Variants in FBXO44 observed in about 807,000 individuals in gnomAD.
The protein encoded by FBXO44 is F-box only protein 44.
Under a neutral mutation model 33.5 loss-of-function variants are expected in FBXO44, and 25 were observed. The observed-to-expected ratio is 0.75, with a 90% CI of 0.54 to 1.04. FBXO44 has a LOEUF of 1.04. Among genes scored for constraint, FBXO44 ranks in the 50% least tolerant of loss-of-function variants. The pLI, the probability that FBXO44 is intolerant of heterozygous loss-of-function variation, is 0.00. For missense variants in FBXO44, 311 were observed against 344.0 expected, an observed-to-expected ratio of 0.90 and a Z score of 0.76; for synonymous variants, 147 against 152.8, an observed-to-expected ratio of 0.96 and a Z score of 0.28.
Position 11,658,297 on chromosome 1 carries a change from A to G in FBXO44, c.296A>G (p.Asn99Ser), listed in dbSNP as rs1402599804. The G allele has an allele frequency of 1.2e-6, 2 of 1,613,750 alleles. No homozygotes were observed. Among genetic ancestry groups the G allele is most frequent in the East Asian group, 2.2e-5 (1 of 44,872 alleles). Reference protein sequence around the residue: ...EGFEFWSLDVNGGDEWKVEDL... With the variant: ...EGFEFWSLDVSGGDEWKVEDL... ...TTCGAGTTCTGGAGCCTGGATGTGA[A>G]TGGAGGCGATGAGTGGAAGGTGGAG... The change falls in exon 3 of 6, where the codon AAT becomes AGT. Residue 99 changes from asparagine (N) to serine (S), a missense_variant. Transcript: ENST00000251547.
At position 11,661,038 on chromosome 1, in the gene FBXO44, C is replaced by T. The variant is rs1640149964; in HGVS notation, c.625-92C>T. On this transcript the variant is annotated intron_variant, in intron 5 of 5. Coordinates refer to ENST00000251547, the MANE Select transcript of FBXO44 (RefSeq NM_033182.7). The surrounding 1 kb of genome is among the most constrained non-coding windows in gnomAD (Gnocchi z 4.4). ...GCTCAAACAACCCTCCCACCTCAGC[C>T]TCCCAAAGTACTGGGATTCCCGGTG... 7 of 1,358,040 alleles carry T rather than the reference C, an allele frequency of 5.2e-6. No homozygotes were observed. The highest frequency in any genetic ancestry group is 1.5e-5 in the African/African-American group (1 of 68,782). 84.1% of individuals were successfully genotyped at this position (1,358,040 alleles called of 1,614,324 possible).
In FBXO44 at chr1:11,663,177, C is replaced by G. The variant is rs188064522; in HGVS notation, c.*1904C>G. On this transcript the variant is annotated 3_prime_UTR_variant, in exon 6 of 6. Coordinates refer to ENST00000251547, the MANE Select transcript of FBXO44 (RefSeq NM_033182.7). ...GTTTCACCATGTTGGCCAGGGTGGT[C>G]TCAATCTCCTGACCTCGTGATCCAC... is the stretch of plus-strand genomic sequence containing the variant. 6.6e-6 allele frequency: 1 copy of G among 152,082 alleles called. No homozygotes were observed. The highest frequency in any genetic ancestry group is 2.4e-5 in the African/African-American group (1 of 41,408). 9.4% of individuals were successfully genotyped at this position (152,082 alleles called of 1,614,324 possible).
chr1:11,661,253 A>G lies in FBXO44; in HGVS notation c.748A>G (p.Ile250Val). Reference sequence around the variant, plus strand: ...GAGGGTCACCAACAGCAGCATCACCATCGGGCCCCCGCTGCCCTGACACCC... The same window carrying G: ...GAGGGTCACCAACAGCAGCATCACCGTCGGGCCCCCGCTGCCCTGACACCC... ...GPRVTNSSITIGPPLP is the reference protein window; with the variant it reads ...GPRVTNSSITVGPPLP The change falls in exon 6 of 6, where the codon ATC becomes GTC. Residue 250 changes from isoleucine (I) to valine (V), a missense_variant. Coordinates refer to ENST00000251547, the MANE Select transcript of FBXO44 (RefSeq NM_033182.7). This position sits in a 1 kb window ranked among gnomAD's most constrained non-coding sequence, Gnocchi z 4.4. 1 of 1,613,970 alleles carries G rather than the reference A, an allele frequency of 6.2e-7. No homozygotes were observed. The highest frequency in any genetic ancestry group is 1.1e-5 in the South Asian group (1 of 91,058).
intron 4 of FBXO44, 52 bp downstream of exon 4, chr1:11,658,680 A>G: frequency 8.2e-7 from 1 of 1,214,288 alleles, no homozygotes; most frequent in East Asian, 2.7e-5. Context: ...CAGGCGCCCC[A>G]CCCCCGCCCT....
At chr1:11,655,553 C>T in intron 1 of FBXO44, 1 of 486,896 alleles carries the variant, frequency 2.1e-6, no homozygotes, top group Non-Finnish European at 3.7e-6. Context: ...AAGATCCGGG[C>T]TTCTTCCCCC....
In FBXO44 at chr1:11,661,034, C is replaced by T. The variant is rs1570253614; in HGVS notation, c.625-96C>T. On this transcript the variant is annotated intron_variant, in intron 5 of 5. Transcript: ENST00000251547. The surrounding 1 kb of genome is among the most constrained non-coding windows in gnomAD (Gnocchi z 4.4). Reference sequence around the variant, plus strand: ...CTGGGCTCAAACAACCCTCCCACCTCAGCCTCCCAAAGTACTGGGATTCCC... The same window carrying T: ...CTGGGCTCAAACAACCCTCCCACCTTAGCCTCCCAAAGTACTGGGATTCCC... 7.5e-7 allele frequency: 1 copy of T among 1,326,874 alleles called. No homozygotes were observed. The highest frequency in any genetic ancestry group is 1.5e-5 in the African/African-American group (1 of 68,216). 82.2% of individuals were successfully genotyped at this position (1,326,874 alleles called of 1,614,324 possible).
chr1:11,658,935 G>A, intron 5 of FBXO44, 64 bp downstream of exon 5: 1 of 1,586,880 alleles, frequency 6.3e-7, no homozygotes. Flanking sequence ...TGGTCAGACG[G>A]GGCCTAGGTT....
intron 1 of FBXO44, 75 bp from the exon 2 acceptor site, chr1:11,655,731 G>C (rs1327492640): frequency 1.4e-6 from 2 of 1,480,312 alleles, no homozygotes; most frequent in Non-Finnish European, 1.8e-6. Flanking sequence ...AAGGAAACAG[G>C]CTGGGAGAGG....
intron 2 of FBXO44, among the ~76,000 whole-genome samples, chr1:11,657,752 C>A (rs1164393419): frequency 1.3e-5 from 2 of 151,052 alleles, no homozygotes; most frequent in Non-Finnish European, 3.0e-5. Flanking sequence ...AAAACAAAAA[C>A]AAAAAAAAAG....
chr1:11,659,378 C>CA (rs1311600002), intron 5 of FBXO44, among the ~76,000 whole-genome samples: 2 of 149,422 alleles, frequency 1.3e-5, no homozygotes, highest in African/African-American at 2.5e-5. Context: ...AACTCCATCT[C>CA]AACAAAAAAA....
At position 11,658,614 on chromosome 1, in the gene FBXO44, C is replaced by T. The variant is rs144418573; in HGVS notation, c.474C>T (p.Ile158=). The T allele has an allele frequency of 6.5e-5, 105 of 1,613,304 alleles. No individual in the cohort carries two copies. The highest frequency in any genetic ancestry group is 7.4e-5 in the Non-Finnish European group (87 of 1,179,950). ...EELMDTTRPD[I]EVKDWFAARP... ...TGATGGATACCACACGGCCGGACAT[C>T]GAGGTCAAGGACTGGTGAGTGCCTG... Residue 158 remains isoleucine (I), a synonymous_variant, in exon 4 of 6, where the codon ATC becomes ATT. Coordinates refer to ENST00000251547, the MANE Select transcript of FBXO44 (RefSeq NM_033182.7).
rs750841390 is a variant in FBXO44, at chr1:11,658,271, G to T, written c.270G>T (p.Gly90=). ...NLLHNPCAEE[G]FEFWSLDVNG... ...TGAACTCTGCTTTTCCATCAGAGGG[G>T]TTCGAGTTCTGGAGCCTGGATGTGA... is the stretch of plus-strand genomic sequence containing the variant. The change falls in exon 3 of 6, where the codon GGG becomes GGT. Residue 90 remains glycine (G), a synonymous_variant. Coordinates refer to ENST00000251547, the MANE Select transcript of FBXO44 (RefSeq NM_033182.7). The T allele has an allele frequency of 3.1e-6, 5 of 1,613,708 alleles. No individual in the cohort carries two copies. Among genetic ancestry groups the T allele is most frequent in the Middle Eastern group, 1.7e-4 (1 of 6,048 alleles).
At chr1:11,658,922 C>T (rs1640009688) in intron 5 of FBXO44, 51 bp downstream of exon 5, 1 of 1,595,746 alleles carries the variant, frequency 6.3e-7, no homozygotes, top group Non-Finnish European at 8.5e-7. Flanking sequence ...AAGGCTGAGG[C>T]TGTGGTCAGA....
At chr1:11,659,436 T>C (rs1312742060) in intron 5 of FBXO44, among the ~76,000 whole-genome samples, 3 of 152,236 alleles carry the variant, frequency 2.0e-5, no homozygotes, top group Non-Finnish European at 2.9e-5. Flanking sequence ...CTGTTACTAA[T>C]TACTAGTATT....
At chr1:11,659,128 C>T (rs1260355705) in intron 5 of FBXO44, among the ~76,000 whole-genome samples, 3 of 152,254 alleles carry the variant, frequency 2.0e-5, no homozygotes, top group Admixed American at 6.5e-5. Context: ...TGGCTCACAC[C>T]TGTAATCCCA....
chr1:11,658,329 T>C lies in FBXO44; in HGVS notation c.328T>C (p.Ser110Pro). The C allele has an allele frequency of 6.2e-7, 1 of 1,612,870 alleles. No individual in the cohort carries two copies. Among genetic ancestry groups the C allele is most frequent in the Non-Finnish European group, 8.5e-7 (1 of 1,179,672 alleles). Reference sequence around the variant, plus strand: ...CGATGAGTGGAAGGTGGAGGATCTCTCTCGAGACCAGAGGAAGGAATTCCC... The same window carrying C: ...CGATGAGTGGAAGGTGGAGGATCTCCCTCGAGACCAGAGGAAGGAATTCCC... Reference protein sequence around the residue: ...GGDEWKVEDLSRDQRKEFPND... With the variant: ...GGDEWKVEDLPRDQRKEFPND... The change falls in exon 3 of 6, where the codon TCT (serine) becomes CCT (proline). Residue 110 changes from serine to proline, a missense_variant. Coordinates refer to ENST00000251547, the MANE Select transcript of FBXO44 (RefSeq NM_033182.7).
chr1:11,655,744 C>A (rs745553525), intron 1 of FBXO44, 62 bp from the exon 2 acceptor site: 19 of 1,526,052 alleles, frequency 1.2e-5, no homozygotes, highest in Non-Finnish European at 1.5e-5. Context: ...GGGAGAGGCA[C>A]CATGCTCTCC....
upstream of FBXO44, chr1:11,654,663 G>A (rs577302441): frequency 4.4e-4 from 126 of 283,850 alleles, 3 homozygotes; most frequent in South Asian, 0.019. Context: ...CTGCTGGGAG[G>A]AGGCGGCTAG....
In FBXO44 at chr1:11,654,965, A is replaced by AGGGGGCGCG. The variant is rs1457418356; in HGVS notation, c.-31+22_-31+30dup. On this transcript the variant is annotated intron_variant, in intron 1 of 5. Coordinates refer to ENST00000251547, the MANE Select transcript of FBXO44 (RefSeq NM_033182.7). Reference sequence around the variant, plus strand: ...CGGCCGAGCGCAGGTGACCGGCAGGAGGGGGCGCGGGGGGCGCTGGGGAGG... The same window carrying AGGGGGCGCG: ...CGGCCGAGCGCAGGTGACCGGCAGGAGGGGGCGCGGGGGGCGCGGGGGGCGCTGGGGAGG... 3.1e-4 allele frequency: 3 copies of AGGGGGCGCG among 9,636 alleles called. No homozygotes were observed. The highest frequency in any genetic ancestry group is 1.1e-3 in the Admixed American group (1 of 904). 0.6% of individuals were successfully genotyped at this position (9,636 alleles called of 1,614,324 possible).
Sources: gnomAD v4.1 joint callset for allele counts (sites outside exome capture counted in the v4.1 genomes callset) on GRCh38, gnomAD v4.1.1 for gene constraint, Gnocchi (gnomAD v3.1) non-coding constraint, MANE v1.5 for transcripts, NCBI Gene and HGNC (gene_info 2026-07-23, HGNC 2026-07-21) for gene names.